Variants in VRK2 observed in about 807,000 individuals in gnomAD.
VRK2 encodes serine/threonine-protein kinase VRK2.
In VRK2, 60 loss-of-function variants were observed where a neutral mutation model predicts 57.6. That is an observed-to-expected ratio of 1.04 (90% CI 0.85 to 1.29). The LOEUF is 1.29. Among genes scored for constraint, VRK2 ranks in the 50% most tolerant of loss-of-function variants. The pLI is 0.00. For synonymous variants in VRK2, 231 were observed against 199.2 expected, an observed-to-expected ratio of 1.16 and a Z score of -1.35; for missense variants, 705 against 588.1, an observed-to-expected ratio of 1.20 and a Z score of -2.06.
chr2:57,989,073 G>C (rs1048923827), intron 1 of VRK2, among the ~76,000 whole-genome samples: 1 of 151,994 alleles, frequency 6.6e-6, no homozygotes, highest in African/African-American at 2.4e-5. Context: ...ACCCTTACTA[G>C]CTCAGTTTCA....
At chr2:57,951,589 C>A (rs1373606985) in intron 1 of VRK2, among the ~76,000 whole-genome samples, 1 of 152,172 alleles carries the variant, frequency 6.6e-6, no homozygotes, top group Non-Finnish European at 1.5e-5. Context: ...TCAATTGATG[C>A]TGCAAACTTT....
intron 2 of VRK2, among the ~76,000 whole-genome samples, chr2:58,081,012 A>C (rs1294686534): frequency 1.3e-5 from 2 of 151,974 alleles, no homozygotes; most frequent in Non-Finnish European, 2.9e-5. Context: ...ACTATGACAG[A>C]ATACCCTTAA....
upstream of VRK2, chr2:58,046,708 G>A (rs1345852069): frequency 5.1e-6 from 5 of 985,464 alleles, no homozygotes; most frequent in South Asian, 4.7e-5. Flanking sequence ...TGCACTGCGA[G>A]GCCGACGCAG....
At chr2:58,009,596 A>T (rs1251236126) in intron 1 of VRK2, among the ~76,000 whole-genome samples, 2 of 151,042 alleles carry the variant, frequency 1.3e-5, no homozygotes, top group African/African-American at 2.4e-5. Flanking sequence ...CGTTGTATCC[A>T]CATATTATTT....
At chr2:57,943,738 T>G (rs1671169438) in intron 1 of VRK2, among the ~76,000 whole-genome samples, 2 of 152,174 alleles carry the variant, frequency 1.3e-5, no homozygotes, top group African/African-American at 4.8e-5. Context: ...GACTTAGTCT[T>G]TTGGCCGAGG....
At chr2:58,062,726 C>T (rs755678752) in intron 2 of VRK2, among the ~76,000 whole-genome samples, 9 of 151,982 alleles carry the variant, frequency 5.9e-5, no homozygotes, top group East Asian at 3.9e-4. Context: ...GCAGAAGAAA[C>T]GTTTGAAGCT....
intron 1 of VRK2, among the ~76,000 whole-genome samples, chr2:57,934,115 T>C (rs1396246677): frequency 2.0e-5 from 3 of 152,228 alleles, no homozygotes; most frequent in African/African-American, 4.8e-5. Context: ...ATTGAACCTA[T>C]AGTTATTTTT....
chr2:57,991,710 G>C (rs977563456), intron 1 of VRK2, among the ~76,000 whole-genome samples: 1 of 151,624 alleles, frequency 6.6e-6, no homozygotes, highest in Non-Finnish European at 1.5e-5. Context: ...AGCACTTTGG[G>C]AGGCCGAGGC....
At position 58,139,751 on chromosome 2, in the gene VRK2, C is replaced by A. The variant is rs757039760; in HGVS notation, c.942C>A (p.Asn314Lys). 16 of 1,613,016 alleles carry A rather than the reference C, an allele frequency of 9.9e-6. No individual in the cohort carries two copies. Among genetic ancestry groups the A allele is most frequent in the African/African-American group, 4.0e-5 (3 of 74,840 alleles). The change falls in exon 11 of 13, where the codon AAC becomes AAA. Residue 314 changes from asparagine to lysine, a missense_variant. Asn to Lys is a moderately conservative substitution (Grantham distance 94). Transcript: ENST00000340157. ...ATCAAGCCCTCAAGAAAATTTTGAA[C>A]CCTCATGGAATACCTTTAGGACCAC... is the stretch of plus-strand genomic sequence containing the variant. Reference protein sequence around the residue: ...PNYQALKKILNPHGIPLGPLD... With the variant: ...PNYQALKKILKPHGIPLGPLD...
chr2:57,916,544 T>A (rs1670159348), intron 1 of VRK2, among the ~76,000 whole-genome samples: 1 of 151,980 alleles, frequency 6.6e-6, no homozygotes, highest in African/African-American at 2.4e-5. Context: ...TTAAGCCCAA[T>A]GATAATAATA....
At chr2:58,159,283 A>G in intron 12 of VRK2, 66 bp from the exon 13 acceptor site, 1 of 1,284,498 alleles carries the variant, frequency 7.8e-7, no homozygotes. Context: ...CTTACACACT[A>G]CACAAAATAA....
At chr2:58,043,189 A>G (rs1217607483), upstream of VRK2, among the ~76,000 whole-genome samples, 1 of 152,196 alleles carries the variant, frequency 6.6e-6, no homozygotes, top group African/African-American at 2.4e-5. Context: ...GGTTTAAATC[A>G]TAAGAACACT....
intron 1 of VRK2, among the ~76,000 whole-genome samples, chr2:57,959,409 G>C (rs545578013): frequency 1.3e-5 from 2 of 152,166 alleles, no homozygotes; most frequent in Non-Finnish European, 2.9e-5. Flanking sequence ...TCTTTTTTAG[G>C]ATTCTAAATC....
chr2:58,062,567 G>T (rs532440331), intron 2 of VRK2, among the ~76,000 whole-genome samples: 1 of 152,076 alleles, frequency 6.6e-6, no homozygotes, highest in East Asian at 1.9e-4. Context: ...GTGCTAAAGT[G>T]AAGCAGCCTT....
At chr2:58,149,391 A>C (rs906292079) in intron 12 of VRK2, among the ~76,000 whole-genome samples, 17 of 151,444 alleles carry the variant, frequency 1.1e-4, no homozygotes. Flanking sequence ...GTGTCTTGGG[A>C]TCTTTCTAAA....
chr2:58,108,522 T>TTTC (rs1558645529), intron 7 of VRK2, among the ~76,000 whole-genome samples: 15 of 152,168 alleles, frequency 9.9e-5, no homozygotes, highest in African/African-American at 3.6e-4. Flanking sequence ...TTCTTTCTTT[T>TTTC]TTTTTCCTGG....
At chr2:58,067,526 G>A (rs751248874) in intron 2 of VRK2, among the ~76,000 whole-genome samples, 1 of 151,462 alleles carries the variant, frequency 6.6e-6, no homozygotes, top group Non-Finnish European at 1.5e-5. Context: ...TTTCTTTTTT[G>A]TCTTGATACA....
chr2:57,924,334 T>C (rs1334029210), intron 1 of VRK2, among the ~76,000 whole-genome samples: 1 of 152,116 alleles, frequency 6.6e-6, no homozygotes, highest in Non-Finnish European at 1.5e-5. Flanking sequence ...TTTAACAATA[T>C]TGATTCTTCC....
Position 57,990,854 on chromosome 2 carries a change from T to TACAC in VRK2, c.-438-34783_-438-34780dup, listed in dbSNP as rs34097486. 1.1e-4 allele frequency among the ~76,000 whole-genome samples: 17 copies of TACAC among 148,790 alleles called. 1 individual carries two copies. The highest frequency in any genetic ancestry group is 2.1e-4 in the South Asian group (1 of 4,676). On this transcript the variant is annotated intron_variant, in intron 1 of 15. Transcript: ENST00000417641. Reference sequence around the variant, plus strand: ...CCATTATGATAGTCACACACAGACATACACACACACACACACACACACACA... The same window carrying TACAC: ...CCATTATGATAGTCACACACAGACATACACACACACACACACACACACACACACA...
Sources: allele counts gnomAD v4.1 joint callset (sites outside exome capture counted in the v4.1 genomes callset), GRCh38; gene constraint gnomAD v4.1.1; transcripts MANE v1.5; gene names NCBI Gene and HGNC (gene_info 2026-07-23, HGNC 2026-07-21).